PTPRS: variants seen among roughly 807,000 people sequenced by gnomAD.
PTPRS encodes receptor-type tyrosine-protein phosphatase S.
A neutral mutation model predicts 215.3 loss-of-function variants in PTPRS; 63 were observed. The observed-to-expected ratio is 0.29, with a 90% CI of 0.24 to 0.36. The LOEUF (loss-of-function observed/expected upper bound fraction) is 0.36, where lower values mean the gene tolerates loss of function less well. Ranked by LOEUF, PTPRS falls within the 10% of genes least tolerant of loss-of-function variation. The pLI is 1.00. For missense variants in PTPRS, 2,258 were observed against 2,825.8 expected (o/e 0.80, Z 4.56); for synonymous variants, 1,404 against 1,191.4 (o/e 1.18, Z -3.68).
intron 1 of PTPRS, among the ~76,000 whole-genome samples, chr19:5,306,810 G>C (rs909333202): frequency 6.6e-6 from 1 of 152,162 alleles, no homozygotes; most frequent in African/African-American, 2.4e-5. Flanking sequence ...GAAATGAGTA[G>C]GTCCTAATAG....
intron 1 of PTPRS, among the ~76,000 whole-genome samples, chr19:5,311,079 C>T (rs1294295928): frequency 6.6e-6 from 1 of 152,088 alleles, no homozygotes; most frequent in Non-Finnish European, 1.5e-5. Context: ...GGGGTTTTAC[C>T]CTGTTGGCCA....
In PTPRS at chr19:5,244,577, G is replaced by T; in HGVS notation, c.989-95C>A. 1 of 982,774 alleles carries T rather than the reference G, an allele frequency of 1.0e-6. No homozygotes were observed. The allele number at this position is 982,774 out of a possible 1,614,324, so 60.9% of individuals were successfully genotyped here. On this transcript the variant is annotated intron_variant, in intron 10 of 37. Transcript: ENST00000262963. The surrounding 1 kb of genome is among the most constrained non-coding windows in gnomAD (Gnocchi z 7.2). ...TTCACCATTCAGTCGCCTTCTCTGA[G>T]CCTTGATTTGCCCAGCAGTAATCAT...
intron 32 of PTPRS, 73 bp from the exon 33 acceptor site, chr19:5,211,841 T>TG (rs2040920722): frequency 6.3e-7 from 1 of 1,586,012 alleles, no homozygotes; most frequent in Non-Finnish European, 8.6e-7. Flanking sequence ...GCACCAATGG[T>TG]GGATAGGTAG....
At chr19:5,242,183 A>G (rs909793909) in intron 11 of PTPRS, among the ~76,000 whole-genome samples, 4 of 139,236 alleles carry the variant, frequency 2.9e-5, no homozygotes, top group Admixed American at 7.0e-5. Flanking sequence ...TCTAATGAGA[A>G]CAGATGAGGG....
At chr19:5,215,642 A>C in intron 26 of PTPRS, 47 bp from the exon 27 acceptor site, 15 of 1,077,590 alleles carry the variant, frequency 1.4e-5, no homozygotes, top group Non-Finnish European at 1.8e-5. Flanking sequence ...TTGGGGGGCC[A>C]GCCGGGGACT....
chr19:5,231,728 A>C, intron 13 of PTPRS, 113 bp from the exon 14 acceptor site: 1 of 525,074 alleles, frequency 1.9e-6, no homozygotes, highest in Non-Finnish European at 3.5e-6. Flanking sequence ...GATGATAACA[A>C]ACAAAACAGA....
In PTPRS at chr19:5,221,010, C is replaced by T. The variant is rs147801733; in HGVS notation, c.3445G>A (p.Val1149Met). The T allele has an allele frequency of 2.6e-5, 42 of 1,609,486 alleles. No individual in the cohort carries two copies. The highest frequency in any genetic ancestry group is 3.3e-5 in the Admixed American group (2 of 59,826). Residue 1149 changes from valine to methionine, a missense_variant, in exon 20 of 38, where the codon GTG (valine) becomes ATG (methionine). Physicochemically the swap from Val to Met is conservative, Grantham distance 21. Around this residue, in one of 6 missense-constraint regions of PTPRS, gnomAD observed 927 missense variants for 1,125.9 expected, o/e 0.82. Coordinates refer to ENST00000262963, the MANE Select transcript of PTPRS (RefSeq NM_002850.4). ...TGGGGGTGAGCATACTGGACAGGCA[C>T]GGGGCTCTGGCCGTCAGGAAGATAC... ...MVYLPDGQSP[V>M]PVQSYFIVMV...
intron 16 of PTPRS, among the ~76,000 whole-genome samples, chr19:5,226,769 T>C (rs1232768724): frequency 2.0e-5 from 3 of 151,898 alleles, no homozygotes; most frequent in Non-Finnish European, 1.5e-5. Flanking sequence ...ATAAACTGTA[T>C]AAACTTACAA....
chr19:5,340,392 C>T (rs1454877774), intron 1 of PTPRS, among the ~76,000 whole-genome samples: 1 of 151,100 alleles, frequency 6.6e-6, no homozygotes, highest in Non-Finnish European at 1.5e-5. Flanking sequence ...CCTCCCACGC[C>T]GCGGACGAAG....
chr19:5,221,304 C>T (rs2041956254), intron 19 of PTPRS, 51 bp from the exon 20 acceptor site: 7 of 1,564,636 alleles, frequency 4.5e-6, no homozygotes, highest in Non-Finnish European at 6.1e-6. Context: ...TGCCCATGGA[C>T]TGAGCCCCAG....
rs1413585604 is a variant in PTPRS at position 5,223,211 on chromosome 19, C to T, written c.2581G>A (p.Asp861Asn). ...TGCAGGCGGTAGCCCAGCACCTGGT[C>T]CTCCGCGGTGCCAGCCGGGGGCTCC... Reference protein sequence around the residue: ...RWEPPAGTAEDQVLGYRLQFG... With the variant: ...RWEPPAGTAENQVLGYRLQFG... Residue 861 changes from aspartate to asparagine, a missense_variant, in exon 18 of 38, where the codon GAC becomes AAC. This residue lies in a region of PTPRS where 361 missense variants were observed against 332.6 expected (regional missense o/e 1.09). Transcript: ENST00000262963. 1 of 1,516,556 alleles carries T rather than the reference C, an allele frequency of 6.6e-7. No homozygotes were observed. Among genetic ancestry groups the T allele is most frequent in the South Asian group, 1.3e-5 (1 of 77,670 alleles). The allele number at this position is 1,516,556 out of a possible 1,614,324, so 93.9% of individuals were successfully genotyped here.
rs767946015 is a variant in PTPRS at position 5,220,287 on chromosome 19, A to G, written c.3522T>C (p.Gly1174=). The G allele has an allele frequency of 6.2e-7, 1 of 1,614,034 alleles. No homozygotes were observed. Among genetic ancestry groups the G allele is most frequent in the East Asian group, 2.2e-5 (1 of 44,876 alleles). Residue 1174 remains glycine, a synonymous_variant, in exon 21 of 38, where the codon GGT becomes GGC. Transcript: ENST00000262963. Reference sequence around the variant, plus strand: ...CTTCCAGATCCATGTCCTCTGGGCTACCCAGCGGGGTCAGGAATTGGCCTC... The same window carrying G: ...CTTCCAGATCCATGTCCTCTGGGCTGCCCAGCGGGGTCAGGAATTGGCCTC... ...SRGGQFLTPL[G]SPEDMDLEEL...
In PTPRS at chr19:5,222,376, GGCCCT is replaced by G. The variant is rs1039973762; in HGVS notation, c.3104-161_3104-157del. On this transcript the variant is annotated intron_variant, in intron 18 of 37. Coordinates refer to ENST00000262963, the MANE Select transcript of PTPRS (RefSeq NM_002850.4). Reference sequence around the variant, plus strand: ...CGGCCTTCCTGCCTGGCCCTGGCCCGGCCCTGCCCTGTCCTGTCCCAAGTCCCTGC... The same window carrying G: ...CGGCCTTCCTGCCTGGCCCTGGCCCGGCCCTGTCCTGTCCCAAGTCCCTGC... Among the ~76,000 whole-genome samples, 47 of 151,838 alleles carry G rather than the reference GGCCCT, an allele frequency of 3.1e-4. No homozygotes were observed. The South Asian group carries it at 3.8e-3, about 12-fold the overall frequency.
chr19:5,270,200 C>T (rs561033253), intron 4 of PTPRS, among the ~76,000 whole-genome samples: 19 of 152,292 alleles, frequency 1.2e-4, no homozygotes, highest in African/African-American at 4.3e-4. Flanking sequence ...GGATCCAGGA[C>T]CCACGCAAAT....
intron 4 of PTPRS, 77 bp downstream of exon 4, chr19:5,273,365 T>A: frequency 6.2e-7 from 1 of 1,603,778 alleles, no homozygotes; most frequent in Non-Finnish European, 8.5e-7. Flanking sequence ...TGGGGTAACT[T>A]TCATGTATTC....
chr19:5,324,910 A>G (rs1484267508), intron 1 of PTPRS, among the ~76,000 whole-genome samples: 1 of 152,026 alleles, frequency 6.6e-6, no homozygotes, highest in Non-Finnish European at 1.5e-5. Context: ...GAAGAGCCAC[A>G]TCCCCAGGAG....
chr19:5,310,324 T>C (rs1368542549), intron 1 of PTPRS, among the ~76,000 whole-genome samples: 2 of 150,662 alleles, frequency 1.3e-5, no homozygotes, highest in Admixed American at 6.6e-5. Context: ...TTTTCTTTTT[T>C]TTTTTTTTTT....
chr19:5,305,799 G>A (rs1895970492), intron 1 of PTPRS, among the ~76,000 whole-genome samples: 1 of 143,778 alleles, frequency 7.0e-6, no homozygotes, highest in Admixed American at 7.0e-5. Context: ...AATTAGCCGG[G>A]CGTGGTGGCA....
At position 5,285,953 on chromosome 19, in the gene PTPRS, GGGA is replaced by G. The variant is rs1410911470; in HGVS notation, c.91+94_91+96del. 8.6e-6 allele frequency: 10 copies of G among 1,157,660 alleles called. No individual in the cohort carries two copies. The Admixed American group carries it at 2.2e-4, about 25-fold the overall frequency. The allele number at this position is 1,157,660 out of a possible 1,614,324, so 71.7% of individuals were successfully genotyped here. A position where few individuals can be genotyped will look rare whatever the true frequency, so the allele number is the denominator to read the frequency against. ...CCATTTGGCAAAATGGAGGGCCCCA[GGGA>G]GGAGGTGGGGAGTGTGCCCACACAC... is the stretch of plus-strand genomic sequence containing the variant. On this transcript the variant is annotated intron_variant, in intron 2 of 37. Transcript: ENST00000262963.
Sources: allele counts gnomAD v4.1 joint callset (sites outside exome capture counted in the v4.1 genomes callset), GRCh38; gene constraint gnomAD v4.1.1; regional missense constraint gnomAD v4.1.1; non-coding constraint Gnocchi (gnomAD v3.1); transcripts MANE v1.5; gene names NCBI Gene and HGNC (gene_info 2026-07-23, HGNC 2026-07-21).